The following SYNE1 variants were observed in gnomAD, a reference collection of about 807,000 sequenced individuals.
SYNE1 encodes spectrin repeat containing nuclear envelope protein 1.
A neutral mutation model predicts 1,111.0 loss-of-function variants in SYNE1; 616 were observed. The ratio of observed to expected loss-of-function variants is 0.55; its 90% CI spans 0.52 to 0.59. SYNE1 has a LOEUF of 0.59. Among genes scored for constraint, SYNE1 ranks in the 20% least tolerant of loss-of-function variants. SYNE1 has a pLI of 0.00. For missense variants in SYNE1, 10,006 were observed against 10,417.0 expected, an observed-to-expected ratio of 0.96 and a Z score of 1.72; for synonymous variants, 3,855 against 3,825.8, an observed-to-expected ratio of 1.01 and a Z score of -0.28.
chr6:152,543,241 T>A (rs1327974073), intron 3 of SYNE1, among the ~76,000 whole-genome samples: 1 of 152,186 alleles, frequency 6.6e-6, no homozygotes, highest in Non-Finnish European at 1.5e-5. Context: ...ATTCTTTACG[T>A]GTTTCCTTTT....
chr6:152,436,839 T>A (rs991309934), intron 32 of SYNE1, among the ~76,000 whole-genome samples: 2 of 152,210 alleles, frequency 1.3e-5, no homozygotes, highest in Non-Finnish European at 2.9e-5. Flanking sequence ...AACATTTATT[T>A]ATTTAATGTA....
At chr6:152,321,146 A>G (rs1327591426) in intron 84 of SYNE1, 92 bp downstream of exon 84, 10 of 1,420,250 alleles carry the variant, frequency 7.0e-6, no homozygotes, top group Middle Eastern at 1.8e-4. Flanking sequence ...TGTCTCCAAG[A>G]AGACATTATT....
At chr6:152,383,749 T>C (rs1035215642) in intron 55 of SYNE1, among the ~76,000 whole-genome samples, 1 of 152,222 alleles carries the variant, frequency 6.6e-6, no homozygotes, top group African/African-American at 2.4e-5. Context: ...CACTAATCAC[T>C]TTCAACTCCA....
intron 87 of SYNE1, among the ~76,000 whole-genome samples, chr6:152,311,758 T>A (rs2095553877): frequency 6.6e-6 from 1 of 151,892 alleles, no homozygotes; most frequent in Non-Finnish European, 1.5e-5. Context: ...TAGGATATTA[T>A]TCTTAGGCAA....
At chr6:152,548,525 C>T (rs934011167) in intron 3 of SYNE1, among the ~76,000 whole-genome samples, 13 of 152,196 alleles carry the variant, frequency 8.5e-5, no homozygotes, top group Non-Finnish European at 1.8e-4. Flanking sequence ...CAGGTAACTT[C>T]TCTTTTTAGT....
rs1157893185 is a variant in SYNE1 at position 152,330,147 on chromosome 6, A to G, written c.14538T>C (p.Leu4846=). Residue 4846 remains leucine, a synonymous_variant, in exon 78 of 146, where the codon CTT becomes CTC. Coordinates refer to ENST00000367255, the MANE Select transcript of SYNE1 (RefSeq NM_182961.4). The part of the protein sequence containing the change: ...TIHLEDLAPH[L]DPLAYEKARH... ...TGGCTTTCTCATAAGCCAAGGGGTCAAGGTGTGGGGCAAGATCTTCAAGAT... is the reference window on the plus strand; with the variant it reads ...TGGCTTTCTCATAAGCCAAGGGGTCGAGGTGTGGGGCAAGATCTTCAAGAT... The G allele has an allele frequency of 6.2e-7, 1 of 1,614,200 alleles. No individual in the cohort carries two copies. The highest frequency in any genetic ancestry group is 1.1e-5 in the South Asian group (1 of 91,076).
In SYNE1 at chr6:152,451,050, G is replaced by A. The variant is rs1284665327; in HGVS notation, c.3183C>T (p.His1061=). The change falls in exon 26 of 146, where the codon CAC becomes CAT. Residue 1061 remains histidine (H), a synonymous_variant. Transcript: ENST00000367255. ...QEGSEKIIKE[H]RVFFSDKGPH... Reference sequence around the variant, plus strand: ...CATTGTGGTGTGGGAGACGTACCCTGTGCTCTTTAATTATCTTTTCACTGC... The same window carrying A: ...CATTGTGGTGTGGGAGACGTACCCTATGCTCTTTAATTATCTTTTCACTGC... The A allele has an allele frequency of 1.9e-6, 3 of 1,614,150 alleles. No homozygotes were observed. Among genetic ancestry groups the A allele is most frequent in the South Asian group, 1.1e-5 (1 of 91,088 alleles).
intron 133 of SYNE1, among the ~76,000 whole-genome samples, chr6:152,153,934 C>T (rs2060891780): frequency 6.6e-6 from 1 of 152,148 alleles, no homozygotes; most frequent in Admixed American, 6.5e-5. Flanking sequence ...CATCATAGGC[C>T]TCAGAAAATG....
At chr6:152,396,259 C>G (rs1191246051) in intron 50 of SYNE1, among the ~76,000 whole-genome samples, 1 of 152,170 alleles carries the variant, frequency 6.6e-6, no homozygotes, top group African/African-American at 2.4e-5. Flanking sequence ...GAAAGCTGGG[C>G]AAGAGTCAGG....
intron 16 of SYNE1, among the ~76,000 whole-genome samples, chr6:152,468,420 G>A (rs1409653218): frequency 3.9e-5 from 6 of 152,088 alleles, no homozygotes; most frequent in Non-Finnish European, 7.3e-5. Flanking sequence ...TGAAATGGAA[G>A]CACATGTTTT....
chr6:152,555,843 G>C (rs146683151), intron 3 of SYNE1, among the ~76,000 whole-genome samples: 2 of 152,126 alleles, frequency 1.3e-5, no homozygotes, highest in Non-Finnish European at 2.9e-5. Flanking sequence ...TACATCCAGA[G>C]TAAGCTTGTT....
At chr6:152,541,747 CAAAAAAA>C (rs1267855271) in intron 3 of SYNE1, among the ~76,000 whole-genome samples, 8 of 60,310 alleles carry the variant, frequency 1.3e-4, no homozygotes, top group Non-Finnish European at 2.0e-4. Context: ...GACTCCATCT[CAAAAAAA>C]AAAAAAAAAA....
At chr6:152,278,044 C>A (rs904969735) in intron 98 of SYNE1, 45 bp downstream of exon 98, 1 of 1,606,746 alleles carries the variant, frequency 6.2e-7, no homozygotes, top group Admixed American at 1.7e-5. Context: ...AGCACGTGAA[C>A]AGTGTGCCAA....
chr6:152,603,037 G>T (rs2099599951), intron 3 of SYNE1, among the ~76,000 whole-genome samples: 1 of 152,172 alleles, frequency 6.6e-6, no homozygotes, highest in African/African-American at 2.4e-5. Context: ...AGCACCAGGG[G>T]TCAACCAGGG....
Position 152,511,121 on chromosome 6 carries a change from A to C in SYNE1, c.310-18T>G, listed in dbSNP as rs1353458809. 6.3e-7 allele frequency: 1 copy of C among 1,591,432 alleles called. No homozygotes were observed. The highest frequency in any genetic ancestry group is 1.7e-5 in the Admixed American group (1 of 59,966). On this transcript the variant is annotated intron_variant, in intron 6 of 145. Transcript: ENST00000367255. ...AATTTAATCTGTTTAAAAAAGAGAAACTGTACTAGTAATGTACTAGAATAT... is the reference window on the plus strand; with the variant it reads ...AATTTAATCTGTTTAAAAAAGAGAACCTGTACTAGTAATGTACTAGAATAT...
chr6:152,631,027 T>C (rs1183173578), intron 2 of SYNE1, among the ~76,000 whole-genome samples: 12 of 152,166 alleles, frequency 7.9e-5, no homozygotes, highest in Admixed American at 7.9e-4. Context: ...ATTACTAAGG[T>C]GGATATGACA....
At chr6:152,273,817 G>A (rs2093393951) in intron 98 of SYNE1, among the ~76,000 whole-genome samples, 1 of 152,164 alleles carries the variant, frequency 6.6e-6, no homozygotes, top group African/African-American at 2.4e-5. Flanking sequence ...GGCTGGGCCT[G>A]CTCCCCTCAT....
intron 3 of SYNE1, among the ~76,000 whole-genome samples, chr6:152,556,222 C>T (rs1344618872): frequency 6.6e-6 from 1 of 152,086 alleles, no homozygotes; most frequent in Non-Finnish European, 1.5e-5. Context: ...CTGAGTAGAG[C>T]ACAGAAATAA....
Position 152,214,924 on chromosome 6 carries a change from T to A in SYNE1, c.22328A>T (p.Gln7443Leu). 6.2e-7 allele frequency: 1 copy of A among 1,614,166 alleles called. No individual in the cohort carries two copies. The highest frequency in any genetic ancestry group is 8.5e-7 in the Non-Finnish European group (1 of 1,180,008). Residue 7443 changes from glutamine to leucine, a missense_variant, in exon 122 of 146, where the codon CAG becomes CTG. By Grantham distance (113) the Gln-to-Leu change is moderately radical. Coordinates refer to ENST00000367255, the MANE Select transcript of SYNE1 (RefSeq NM_182961.4). ...ACTCTACCTGAATCTTTCTGTAGTC[T>A]GAGAGGAGATCAGAGACCAATGGCG... The part of the protein sequence containing the change: ...LNRHWSLISS[Q>L]TTERFSKLQS...
Sources: allele counts gnomAD v4.1 joint callset (sites outside exome capture counted in the v4.1 genomes callset), GRCh38; gene constraint gnomAD v4.1.1; transcripts MANE v1.5; gene names NCBI Gene and HGNC (gene_info 2026-07-23, HGNC 2026-07-21).